The following TNRC6C variants were observed in gnomAD, a reference collection of about 807,000 sequenced individuals.
TNRC6C encodes the protein trinucleotide repeat-containing gene 6C protein.
In TNRC6C, 20 loss-of-function variants were observed where a neutral mutation model predicts 153.7. That is an observed-to-expected ratio of 0.13 (90% CI 0.09 to 0.19). The LOEUF is 0.19. Among genes scored for constraint, TNRC6C ranks in the 10% least tolerant of loss-of-function variants. The pLI, the probability that TNRC6C is intolerant of heterozygous loss-of-function variation, is 1.00. For synonymous variants in TNRC6C, 811 were observed against 841.4 expected, an observed-to-expected ratio of 0.96 and a Z score of 0.63; for missense variants, 1,987 against 2,172.0, an observed-to-expected ratio of 0.91 and a Z score of 1.69.
intron 15 of TNRC6C, 125 bp from the exon 18 acceptor site, chr17:78,093,495 G>A (rs1023187053): frequency 2.5e-6 from 3 of 1,177,418 alleles, no homozygotes; most frequent in Middle Eastern, 2.0e-4. Context: ...AGTATAAGGT[G>A]TACCTCTAAT....
chr17:77,989,208 C>CTA (rs1393645305), intron 1 of TNRC6C, among the ~76,000 whole-genome samples: 7 of 152,172 alleles, frequency 4.6e-5, no homozygotes, highest in Non-Finnish European at 8.8e-5. Context: ...GAGTTGGGCA[C>CTA]AATGGCATTT....
chr17:78,048,961 A>G (rs1419149096), exon 3 of TNRC6C: 1 of 1,379,502 alleles, frequency 7.2e-7, no homozygotes, highest in Non-Finnish European at 9.4e-7. Flanking sequence ...TAGGACTGAC[A>G]AGGAGGCGTG....
chr17:78,045,234 G>T (rs954586402), intron 2 of TNRC6C, among the ~76,000 whole-genome samples: 1 of 152,150 alleles, frequency 6.6e-6, no homozygotes, highest in Non-Finnish European at 1.5e-5. Flanking sequence ...TGGAACAGGG[G>T]CAGTCAGAGG....
chr17:77,991,506 A>T (rs1455537459), intron 1 of TNRC6C, among the ~76,000 whole-genome samples: 9 of 152,180 alleles, frequency 5.9e-5, no homozygotes, highest in Non-Finnish European at 1.3e-4. Flanking sequence ...TGTGAACAGA[A>T]ATAATACGTA....
At chr17:78,053,019 C>T (rs2072569057) in intron 3 of TNRC6C, among the ~76,000 whole-genome samples, 1 of 152,168 alleles carries the variant, frequency 6.6e-6, no homozygotes, top group East Asian at 1.9e-4. Flanking sequence ...ACATTGGATT[C>T]ACATGGCAGC....
At position 78,075,167 on chromosome 17, in the gene TNRC6C, C is replaced by T; in HGVS notation, c.2949C>T (p.Asp983=). 1 of 1,613,138 alleles carries T rather than the reference C, an allele frequency of 6.2e-7. No individual in the cohort carries two copies. The highest frequency in any genetic ancestry group is 2.2e-5 in the East Asian group (1 of 44,862). The stretch of plus-strand genomic sequence containing the variant: ...TGCTGGAAAAGAAGGTGGACGTGGA[C>T]AAGCGTGGGCTGGGAGTGACCGACC... Residue 983 remains aspartate (D), a synonymous_variant, in exon 8 of 20, where the codon GAC becomes GAT. Coordinates refer to ENST00000301624, the Ensembl canonical transcript of TNRC6C. This position sits in a 1 kb window ranked among gnomAD's most constrained non-coding sequence, Gnocchi z 4.2.
intron 1 of TNRC6C, among the ~76,000 whole-genome samples, chr17:78,011,590 A>G (rs994221906): frequency 6.6e-6 from 1 of 152,188 alleles, no homozygotes; most frequent in African/African-American, 2.4e-5. Flanking sequence ...TCTCCTGTTC[A>G]TGGACATCTG....
intron 1 of TNRC6C, among the ~76,000 whole-genome samples, chr17:77,977,979 T>G (rs775120869): frequency 1.4e-5 from 2 of 146,188 alleles, no homozygotes; most frequent in Non-Finnish European, 3.0e-5. Context: ...CACTGCAAGC[T>G]CTGCCTCCCA....
chr17:78,098,448 C>T, exon 17 of TNRC6C: 1 of 1,613,994 alleles, frequency 6.2e-7, no homozygotes, highest in Non-Finnish European at 8.5e-7. Flanking sequence ...AGTACTGCAC[C>T]CACGAGGCCA....
In TNRC6C at chr17:78,075,406, T is replaced by C; in HGVS notation, c.3060+128T>C. On this transcript the variant is annotated intron_variant, in intron 8 of 19. Transcript: ENST00000301624. This position sits in a 1 kb window ranked among gnomAD's most constrained non-coding sequence, Gnocchi z 4.2. The stretch of plus-strand genomic sequence containing the variant: ...TAATACTTAAGTGACTTTTATCCAT[T>C]TTTTTCTAACATTATGAACATTTAA... The C allele has an allele frequency of 8.8e-7, 1 of 1,137,436 alleles. No individual in the cohort carries two copies. The allele number at this position is 1,137,436 out of a possible 1,614,324, so 70.5% of individuals were successfully genotyped here. A position where few individuals can be genotyped will look rare whatever the true frequency, so the allele number is the denominator to read the frequency against.
intron 11 of TNRC6C, among the ~76,000 whole-genome samples, chr17:78,084,057 G>A (rs1269386689): frequency 2.0e-5 from 3 of 152,142 alleles, no homozygotes; most frequent in Non-Finnish European, 4.4e-5. Flanking sequence ...GCCCAGGCGG[G>A]TGGATCACCT....
chr17:78,046,081 T>C (rs770748293), intron 2 of TNRC6C, among the ~76,000 whole-genome samples: 8 of 152,178 alleles, frequency 5.3e-5, no homozygotes, highest in Non-Finnish European at 2.9e-5. Context: ...TATTGTTTCA[T>C]ATGTTAATGG....
intron 2 of TNRC6C, among the ~76,000 whole-genome samples, chr17:78,043,596 T>C (rs1165054267): frequency 6.6e-6 from 1 of 152,214 alleles, no homozygotes; most frequent in Non-Finnish European, 1.5e-5. Flanking sequence ...TACTCTTTTA[T>C]GTATTTTTTA....
chr17:78,102,664 T>G, intron 18 of TNRC6C, 120 bp downstream of exon 21: 1 of 997,064 alleles, frequency 1.0e-6, no homozygotes, highest in Non-Finnish European at 1.5e-6. Flanking sequence ...TCAGGGTCCA[T>G]AAGTGACGCT....
chr17:78,064,621 A>G, intron 3 of TNRC6C, 101 bp from the exon 6 acceptor site: 1 of 1,119,958 alleles, frequency 8.9e-7, no homozygotes. Flanking sequence ...TTCTAAGGAT[A>G]GATTATCTTG....
At chr17:78,006,489 TTCTTTCTTCTTCTTCTTCTTC>T (rs1193683047) in intron 1 of TNRC6C, among the ~76,000 whole-genome samples, 11 of 142,030 alleles carry the variant, frequency 7.7e-5, no homozygotes, top group African/African-American at 2.2e-4. Context: ...CTTCTTCTTC[TTCTTTCTTCTTCTTCTTCTTC>T]TTCTTCTTCT....
At chr17:78,102,391 C>T (rs1196745476) in intron 17 of TNRC6C, 83 bp from the exon 21 acceptor site, 1 of 1,309,126 alleles carries the variant, frequency 7.6e-7, no homozygotes, top group African/African-American at 1.5e-5. Flanking sequence ...CTGTCCCACA[C>T]TTCAGCACAA....
At chr17:78,005,573 C>T (rs1312639110) in intron 1 of TNRC6C, among the ~76,000 whole-genome samples, 2 of 152,196 alleles carry the variant, frequency 1.3e-5, no homozygotes, top group Non-Finnish European at 2.9e-5. Flanking sequence ...GAAACACACG[C>T]ATTTCTCACT....
intron 13 of TNRC6C, among the ~76,000 whole-genome samples, chr17:78,089,446 C>T (rs988156560): frequency 6.6e-6 from 1 of 152,062 alleles, no homozygotes; most frequent in African/African-American, 2.4e-5. Flanking sequence ...TGTAAAATTG[C>T]CTATCTTGTT....
Sources: allele counts gnomAD v4.1 joint callset (sites outside exome capture counted in the v4.1 genomes callset), GRCh38; gene constraint gnomAD v4.1.1; non-coding constraint Gnocchi (gnomAD v3.1); transcripts MANE v1.5; gene names NCBI Gene and HGNC (gene_info 2026-07-23, HGNC 2026-07-21).